GNB1: variants seen among roughly 807,000 people sequenced by gnomAD.
The protein encoded by GNB1 is G protein subunit beta 1, also known as guanine nucleotide-binding protein G(I)/G(S)/G(T) subunit beta-1.
A neutral mutation model predicts 42.9 loss-of-function variants in GNB1; 2 were observed. That is an observed-to-expected ratio of 0.05 (90% CI 0.02 to 0.15). GNB1 has a LOEUF of 0.15. Among genes scored for constraint, GNB1 ranks in the 10% least tolerant of loss-of-function variants. The pLI, the probability that GNB1 is intolerant of heterozygous loss-of-function variation, is 1.00. For missense variants in GNB1, 193 were observed against 462.2 expected (o/e 0.42, Z 5.34); for synonymous variants, 183 against 174.7 (o/e 1.05, Z -0.38).
In GNB1 at chr1:1,790,509, G is replaced by A; in HGVS notation, c.585C>T (p.Asp195=). 6.2e-7 allele frequency: 1 copy of A among 1,613,398 alleles called. No individual in the cohort carries two copies. The part of the protein sequence containing the change: ...GDVMSLSLAP[D]TRLFVSGACD... ...AAGCACCAGAGACGAACAGTCTGGT[G>A]TCAGGAGCAAGAGAAAGGCTCATGA... Residue 195 remains aspartate, a synonymous_variant, in exon 9 of 12, where the codon GAC becomes GAT. Transcript: ENST00000378609. The surrounding 1 kb of genome is among the most constrained non-coding windows in gnomAD (Gnocchi z 5.4).
chr1:1,787,100 T>A lies in GNB1; in HGVS notation c.*10-47A>T, dbSNP rs1646416740. 2.4e-6 allele frequency: 1 copy of A among 417,496 alleles called. No homozygotes were observed. Among genetic ancestry groups the A allele is most frequent in the African/African-American group, 2.1e-5 (1 of 48,762 alleles). 25.9% of individuals were successfully genotyped at this position (417,496 alleles called of 1,614,324 possible). A position where few individuals can be genotyped will look rare whatever the true frequency, so the allele number is the denominator to read the frequency against. Reference sequence around the variant, plus strand: ...GAAATGTGAAAAGAGGCAGAGAATCTAAGTGCAGACGCACAGCCAGGTCAC... The same window carrying A: ...GAAATGTGAAAAGAGGCAGAGAATCAAAGTGCAGACGCACAGCCAGGTCAC... On this transcript the variant is annotated intron_variant, in intron 11 of 11. Transcript: ENST00000378609. The surrounding 1 kb of genome is among the most constrained non-coding windows in gnomAD (Gnocchi z 4.4).
intron 1 of GNB1, among the ~76,000 whole-genome samples, chr1:1,879,520 C>G (rs375372558): frequency 6.6e-5 from 10 of 152,170 alleles, no homozygotes; most frequent in African/African-American, 2.4e-4. Flanking sequence ...TCCTGCCTAA[C>G]ACGGTGAAAC....
intron 5 of GNB1, 96 bp from the exon 6 acceptor site, chr1:1,806,634 G>T: frequency 2.7e-6 from 2 of 752,206 alleles, no homozygotes; most frequent in Non-Finnish European, 4.5e-6. Flanking sequence ...TGGCTTATGT[G>T]CTCCCATGTT....
intron 1 of GNB1, among the ~76,000 whole-genome samples, chr1:1,885,442 CCTTAGATAAT>C (rs1164437229): frequency 5.6e-4 from 78 of 139,538 alleles, no homozygotes; most frequent in Non-Finnish European, 9.3e-4. Context: ...AAAGGAATTA[CCTTAGATAAT>C]CTTAATCTGG....
At chr1:1,871,644 C>G (rs1173231291) in intron 1 of GNB1, among the ~76,000 whole-genome samples, 3 of 152,224 alleles carry the variant, frequency 2.0e-5, no homozygotes, top group Non-Finnish European at 2.9e-5. Context: ...TCCAGGCCAA[C>G]AGGCTGTTAG....
chr1:1,792,366 A>G (rs1056513574), intron 8 of GNB1, among the ~76,000 whole-genome samples: 12 of 152,102 alleles, frequency 7.9e-5, no homozygotes, highest in African/African-American at 2.9e-4. Context: ...GAGGGGAAAA[A>G]AAAGAAGAGC....
rs1337983087 is a variant in GNB1, at chr1:1,790,248, G to A, written c.699+147C>T. 1.4e-5 allele frequency: 9 copies of A among 626,878 alleles called. 1 individual carries two copies. The highest frequency in any genetic ancestry group is 5.7e-5 in the South Asian group (3 of 52,300). The allele number at this position is 626,878 out of a possible 1,614,324, so 38.8% of individuals were successfully genotyped here. A position where few individuals can be genotyped will look rare whatever the true frequency, so the allele number is the denominator to read the frequency against. ...GGTCAACACAGAGAAGTTTCCCATC[G>A]GGAGTTTTCTGTATCCCCATCTGTA... On this transcript the variant is annotated intron_variant, in intron 9 of 11. Transcript: ENST00000378609. The surrounding 1 kb of genome is among the most constrained non-coding windows in gnomAD (Gnocchi z 5.4).
chr1:1,869,365 T>C (rs1649125541), intron 1 of GNB1, among the ~76,000 whole-genome samples: 1 of 152,140 alleles, frequency 6.6e-6, no homozygotes, highest in Admixed American at 6.6e-5. Flanking sequence ...CACTAGAAGG[T>C]GACAGTCTTG....
intron 3 of GNB1, chr1:1,825,170 C>T (rs558969957): frequency 2.0e-5 from 10 of 491,002 alleles, no homozygotes; most frequent in Non-Finnish European, 3.6e-5. Context: ...TCTACGGAGA[C>T]ATCTGGTGTA....
At chr1:1,799,013 G>C (rs12756821) in intron 7 of GNB1, among the ~76,000 whole-genome samples, 1 of 150,276 alleles carries the variant, frequency 6.7e-6, no homozygotes, top group Non-Finnish European at 1.5e-5. Flanking sequence ...TCCGCCCCCC[G>C]GGGTTCACGC....
At chr1:1,821,707 G>A (rs547741060) in intron 3 of GNB1, among the ~76,000 whole-genome samples, 5 of 152,256 alleles carry the variant, frequency 3.3e-5, no homozygotes, top group African/African-American at 1.2e-4. Flanking sequence ...CCACCGCGGG[G>A]GCCATGACCT....
At chr1:1,818,820 GCCACTGCA>G (rs1439918979) in intron 3 of GNB1, among the ~76,000 whole-genome samples, 3 of 151,964 alleles carry the variant, frequency 2.0e-5, no homozygotes, top group Non-Finnish European at 4.4e-5. Context: ...CCGAGACTGC[GCCACTGCA>G]CTCCAGTCTG....
At position 1,790,582 on chromosome 1, in the gene GNB1, A is replaced by G; in HGVS notation, c.512T>C (p.Ile171Thr). The part of the protein sequence containing the change: ...SGDTTCALWD[I>T]ETGQQTTTFT... ...CGTGGTCGTCTGCTGGCCGGTCTCG[A>G]TGTCCCACAGGGCACTGGAGCAGGA... The change falls in exon 9 of 12, where the codon ATC becomes ACC. Residue 171 changes from isoleucine to threonine, a missense_variant. Coordinates refer to ENST00000378609, the MANE Select transcript of GNB1 (RefSeq NM_002074.5). The surrounding 1 kb of genome is among the most constrained non-coding windows in gnomAD (Gnocchi z 5.4). 1.2e-6 allele frequency: 2 copies of G among 1,613,080 alleles called. No individual in the cohort carries two copies. Among genetic ancestry groups the G allele is most frequent in the Non-Finnish European group, 1.7e-6 (2 of 1,179,092 alleles).
intron 7 of GNB1, among the ~76,000 whole-genome samples, chr1:1,795,739 T>G (rs1646537827): frequency 7.4e-6 from 1 of 135,836 alleles, no homozygotes; most frequent in Non-Finnish European, 1.6e-5. Flanking sequence ...GGCAACAGAG[T>G]GAGACTCTGC....
At chr1:1,867,702 C>A (rs901033215) in intron 1 of GNB1, among the ~76,000 whole-genome samples, 4 of 152,144 alleles carry the variant, frequency 2.6e-5, no homozygotes, top group Non-Finnish European at 4.4e-5. Context: ...TGCCTTTGAA[C>A]TATAGTTCAG....
chr1:1,876,492 CGAGA>C (rs35226472), intron 1 of GNB1, among the ~76,000 whole-genome samples: 185 of 147,866 alleles, frequency 1.3e-3, no homozygotes, highest in East Asian at 2.2e-3. Flanking sequence ...CATGTGCACA[CGAGA>C]GAGAGAGAGA....
intron 1 of GNB1, among the ~76,000 whole-genome samples, chr1:1,874,831 T>C (rs1649452259): frequency 6.6e-6 from 1 of 151,422 alleles, no homozygotes; most frequent in African/African-American, 2.4e-5. Context: ...CTGAGCTTCG[T>C]TCTGTGAAGC....
At chr1:1,809,658 G>C (rs1168032337) in intron 5 of GNB1, among the ~76,000 whole-genome samples, 2 of 152,070 alleles carry the variant, frequency 1.3e-5, no homozygotes. Context: ...GAGGTCTCCC[G>C]GTCAGAGAGC....
intron 5 of GNB1, among the ~76,000 whole-genome samples, chr1:1,812,065 CA>C (rs1337182201): frequency 2.1e-4 from 29 of 136,660 alleles, no homozygotes; most frequent in South Asian, 7.0e-4. Context: ...GACTCCGTCT[CA>C]AAAAAAAAAA....
Sources: gnomAD v4.1 joint callset for allele counts (sites outside exome capture counted in the v4.1 genomes callset) on GRCh38, gnomAD v4.1.1 for gene constraint, Gnocchi (gnomAD v3.1) non-coding constraint, MANE v1.5 for transcripts, NCBI Gene and HGNC (gene_info 2026-07-23, HGNC 2026-07-21) for gene names.